Variants in DIP2C observed in about 807,000 individuals in gnomAD.
The protein encoded by DIP2C is disco-interacting protein 2 homolog C.
In DIP2C, 33 loss-of-function variants were observed where a neutral mutation model predicts 192.4. The ratio of observed to expected loss-of-function variants is 0.17; its 90% confidence interval spans 0.13 to 0.23. DIP2C has a LOEUF of 0.23. DIP2C is among the 10% of genes least tolerant of loss of function. The probability of loss-of-function intolerance (pLI) is 1.00; values close to 1 mark genes in which losing one functional copy is unlikely to be tolerated. For synonymous variants in DIP2C, 979 were observed against 864.1 expected (o/e 1.13, Z -2.33); for missense variants, 1,537 against 2,110.1 (o/e 0.73, Z 5.32).
chr10:477,768 AAG>A (rs1564762473), intron 2 of DIP2C, among the ~76,000 whole-genome samples: 1 of 130,786 alleles, frequency 7.6e-6, no homozygotes, highest in Non-Finnish European at 1.7e-5. Context: ...AGAGAAGAAA[AAG>A]GAAAAGAAGG....
rs141131973 is a variant in DIP2C, at chr10:411,705, T to C, written c.1057+2208A>G. 2.0e-4 allele frequency among the ~76,000 whole-genome samples: 30 copies of C among 151,980 alleles called. No individual in the cohort carries two copies. The East Asian group carries it at 5.0e-3, about 25-fold the overall frequency. On this transcript the variant is annotated intron_variant, in intron 8 of 36. Coordinates refer to ENST00000280886, the MANE Select transcript of DIP2C (RefSeq NM_014974.3). ...TCTCATTCGATACCAAATTACTCAGTATTAGAACAATTCTCATTCGATACC... is the reference window on the plus strand; with the variant it reads ...TCTCATTCGATACCAAATTACTCAGCATTAGAACAATTCTCATTCGATACC...
At position 417,801 on chromosome 10, in the gene DIP2C, TCCAC is replaced by T. The variant is rs1380655129; in HGVS notation, c.739+1260_739+1263del. Among the ~76,000 whole-genome samples, 16 of 107,488 alleles carry T rather than the reference TCCAC, an allele frequency of 1.5e-4. 1 individual carries two copies. Among genetic ancestry groups the T allele is most frequent in the African/African-American group, 2.2e-4 (5 of 22,448 alleles). 70.5% of individuals were successfully genotyped at this position (107,488 alleles called of 152,430 possible). A position where few individuals can be genotyped will look rare whatever the true frequency, so the allele number is the denominator to read the frequency against. ...GTCAGGGCTCGGATAGGCCTCCCTG[TCCAC>T]CTGTTCCTGTCAGGGCGCGGACAGG... On this transcript the variant is annotated intron_variant, in intron 6 of 36. Transcript: ENST00000280886.
At chr10:356,368 G>A (rs1166203437) in intron 24 of DIP2C, 58 bp downstream of exon 24, 1 of 1,586,518 alleles carries the variant, frequency 6.3e-7, no homozygotes, top group Admixed American at 1.7e-5. Flanking sequence ...AGCGCTCCCA[G>A]GAACCAGGCT....
intron 6 of DIP2C, 147 bp from the exon 7 acceptor site, chr10:416,035 A>G (rs1718200676): frequency 2.4e-6 from 3 of 1,243,074 alleles, no homozygotes; most frequent in Non-Finnish European, 3.4e-6. Flanking sequence ...CGAGGTGATC[A>G]TGCTGTACGG....
intron 13 of DIP2C, 67 bp downstream of exon 13, chr10:389,924 T>C (rs1963318307): frequency 8.0e-6 from 10 of 1,250,660 alleles, no homozygotes; most frequent in Admixed American, 3.9e-5. Flanking sequence ...GTGGGAGTGA[T>C]GTGGCCTTCG....
chr10:604,051 C>T (rs1275218096), intron 1 of DIP2C, among the ~76,000 whole-genome samples: 1 of 150,392 alleles, frequency 6.6e-6, no homozygotes, highest in African/African-American at 2.5e-5. Flanking sequence ...CCCCACACCC[C>T]CTCTGGCCTC....
rs115711043 is a variant in DIP2C at position 364,263 on chromosome 10, A to G, written c.2477+111T>C. 4,049 of 1,276,802 alleles carry G rather than the reference A, an allele frequency of 3.2e-3. 96 individuals carry two copies. The African/African-American group carries it at 0.053, about 17-fold the overall frequency. The allele number at this position is 1,276,802 out of a possible 1,614,324, so 79.1% of individuals were successfully genotyped here. A position where few individuals can be genotyped will look rare whatever the true frequency, so the allele number is the denominator to read the frequency against. Reference sequence around the variant, plus strand: ...GTTGCTTCAATAACATGGAAGAGGAAACGGAGACACAATACATTTAAGGAA... The same window carrying G: ...GTTGCTTCAATAACATGGAAGAGGAGACGGAGACACAATACATTTAAGGAA... On this transcript the variant is annotated intron_variant, in intron 20 of 36. Coordinates refer to ENST00000280886, the MANE Select transcript of DIP2C (RefSeq NM_014974.3).
chr10:525,795 G>C (rs1393574342), intron 1 of DIP2C, among the ~76,000 whole-genome samples: 4 of 152,180 alleles, frequency 2.6e-5, no homozygotes, highest in Admixed American at 6.5e-5. Flanking sequence ...ATCTCAATGA[G>C]ACAGCCGGGC....
chr10:679,514 C>T (rs144591990), intron 1 of DIP2C, among the ~76,000 whole-genome samples: 19 of 21,742 alleles, frequency 8.7e-4, no homozygotes, highest in Non-Finnish European at 2.8e-3. Context: ...CCGTGCTCCC[C>T]ACGCCCATGC....
intron 8 of DIP2C, among the ~76,000 whole-genome samples, chr10:411,494 C>A (rs1965182709): frequency 6.6e-6 from 1 of 152,226 alleles, no homozygotes; most frequent in Non-Finnish European, 1.5e-5. Context: ...GCTGGGAATT[C>A]TGCTACCCCA....
chr10:391,547 G>A (rs1963457528), intron 10 of DIP2C, among the ~76,000 whole-genome samples: 1 of 152,250 alleles, frequency 6.6e-6, no homozygotes, highest in African/African-American at 2.4e-5. Context: ...CTCCTGTCCA[G>A]CTGCCCAAAG....
chr10:412,302 T>C (rs1259953895), intron 8 of DIP2C, among the ~76,000 whole-genome samples: 1 of 152,222 alleles, frequency 6.6e-6, no homozygotes, highest in Admixed American at 6.5e-5. Context: ...AGTGAACACA[T>C]GCACCCGAAC....
intron 1 of DIP2C, chr10:662,260 AG>A: frequency 3.2e-6 from 2 of 628,248 alleles, no homozygotes; most frequent in Non-Finnish European, 5.7e-6. Context: ...GTACTGTATG[AG>A]GTACCTATGC....
In DIP2C at chr10:579,763, G is replaced by A. The variant is rs1339540229; in HGVS notation, c.86-93233C>T. ...TAGGTACACTATAATGTATGTACAT[G>A]CAGAGCATACACATCCATATCCATA... On this transcript the variant is annotated intron_variant, in intron 1 of 36. Coordinates refer to ENST00000280886, the MANE Select transcript of DIP2C (RefSeq NM_014974.3). Among the ~76,000 whole-genome samples the A allele has an allele frequency of 4.6e-5, 7 of 151,918 alleles. No individual in the cohort carries two copies. In the East Asian group the frequency reaches 9.7e-4, roughly 21 times the overall value.
At chr10:526,225 G>A (rs529308401) in intron 1 of DIP2C, among the ~76,000 whole-genome samples, 3 of 152,318 alleles carry the variant, frequency 2.0e-5, no homozygotes, top group Non-Finnish European at 2.9e-5. Context: ...CCACAGCCGC[G>A]TGGTTTCCAC....
rs1957399596 is a variant in DIP2C at position 329,336 on chromosome 10, G to A, written c.3753+97C>T. The A allele has an allele frequency of 4.6e-6, 6 of 1,301,908 alleles. No homozygotes were observed. The South Asian group carries it at 1.0e-4, about 22-fold the overall frequency. 80.6% of individuals were successfully genotyped at this position (1,301,908 alleles called of 1,614,324 possible). A position where few individuals can be genotyped will look rare whatever the true frequency, so the allele number is the denominator to read the frequency against. ...TAGATTAAACCCAGGCTTTGTTTTG[G>A]AGGACTGTTTTAACTTCACCCCATC... On this transcript the variant is annotated intron_variant, in intron 30 of 36. Transcript: ENST00000280886.
At chr10:590,339 T>C (rs1851325929) in intron 1 of DIP2C, among the ~76,000 whole-genome samples, 1 of 152,110 alleles carries the variant, frequency 6.6e-6, no homozygotes, top group African/African-American at 2.4e-5. Context: ...ATACAGCTTC[T>C]AAAAAAACCA....
At chr10:332,775 C>A (rs1187334461) in intron 29 of DIP2C, among the ~76,000 whole-genome samples, 1 of 152,190 alleles carries the variant, frequency 6.6e-6, no homozygotes, top group African/African-American at 2.4e-5. Context: ...TGAAAACTCT[C>A]CTAACTTGGG....
chr10:592,497 C>T (rs1851460516), intron 1 of DIP2C, among the ~76,000 whole-genome samples: 1 of 151,484 alleles, frequency 6.6e-6, no homozygotes, highest in South Asian at 2.1e-4. Context: ...AAACTATAGC[C>T]ACAGGTACCA....
Sources: allele counts gnomAD v4.1 joint callset (sites outside exome capture counted in the v4.1 genomes callset), GRCh38; gene constraint gnomAD v4.1.1; transcripts MANE v1.5; gene names NCBI Gene and HGNC (gene_info 2026-07-23, HGNC 2026-07-21).